FLT3: variants seen among roughly 807,000 people sequenced by gnomAD.
FLT3 encodes the protein fms related receptor tyrosine kinase 3.
In FLT3, 46 loss-of-function variants were observed where a neutral mutation model predicts 126.6. The ratio of observed to expected loss-of-function variants is 0.36; its 90% CI spans 0.29 to 0.46. The LOEUF is 0.46. FLT3 is among the 20% of genes least tolerant of loss of function. The pLI is 1.00. For missense variants in FLT3, 1,069 were observed against 1,190.3 expected (o/e 0.90, Z 1.50); for synonymous variants, 404 against 434.4 (o/e 0.93, Z 0.87).
chr13:28,060,564 A>G, intron 3 of FLT3, among the ~76,000 whole-genome samples: 1 of 149,884 alleles, frequency 6.7e-6, no homozygotes, highest in Non-Finnish European at 1.5e-5. Context: ...ATATACTTAT[A>G]TATGTGTCTG....
intron 9 of FLT3, among the ~76,000 whole-genome samples, chr13:28,044,176 C>T (rs111863688): frequency 0.022 from 3,184 of 141,558 alleles, 97 homozygotes; most frequent in African/African-American, 0.078. Flanking sequence ...GGGCCAGGCG[C>T]GGTGGTTCAT....
At chr13:28,091,207 CTTTTTTTTTTTTTTTT>C (rs572410744) in intron 1 of FLT3, among the ~76,000 whole-genome samples, 1 of 36,580 alleles carries the variant, frequency 2.7e-5, no homozygotes, top group Non-Finnish European at 4.7e-5. Context: ...GCCCCATTTT[CTTTTTTTTTTTTTTTT>C]TTTTTTTTTT....
In FLT3 at chr13:28,100,420, G is replaced by T. The variant is rs1467488357; in HGVS notation, c.43+48C>A. The T allele has an allele frequency of 1.8e-5, 21 of 1,199,650 alleles. No homozygotes were observed. Among genetic ancestry groups the T allele is most frequent in the Non-Finnish European group, 2.0e-5 (19 of 962,952 alleles). The allele number at this position is 1,199,650 out of a possible 1,614,324, so 74.3% of individuals were successfully genotyped here. ...GCGCCCGGGTCCACACTGCGGGGTG[G>T]GGGCTGAGGGACCGCGAGGGGCTGC... On this transcript the variant is annotated intron_variant, in intron 1 of 23. Transcript: ENST00000241453. The surrounding 1 kb of genome is among the most constrained non-coding windows in gnomAD (Gnocchi z 4.8).
At chr13:28,088,742 G>A (rs1390026262) in intron 1 of FLT3, among the ~76,000 whole-genome samples, 2 of 150,780 alleles carry the variant, frequency 1.3e-5, no homozygotes, top group African/African-American at 2.4e-5. Context: ...CCACCACCAC[G>A]CCCAGCTAAT....
chr13:28,079,533 T>C (rs1878183771), intron 1 of FLT3, among the ~76,000 whole-genome samples: 1 of 152,208 alleles, frequency 6.6e-6, no homozygotes, highest in Non-Finnish European at 1.5e-5. Flanking sequence ...TCTGTTTTCA[T>C]GCTGCTGATA....
intron 23 of FLT3, chr13:28,009,157 A>G (rs1039362273): frequency 6.7e-6 from 1 of 149,384 alleles, no homozygotes; most frequent in African/African-American, 2.5e-5. Flanking sequence ...TGTGTTTTCT[A>G]TTTCCATGAA....
chr13:28,023,064 G>C (rs1440189580), intron 19 of FLT3, among the ~76,000 whole-genome samples: 1 of 152,206 alleles, frequency 6.6e-6, no homozygotes, highest in Non-Finnish European at 1.5e-5. Context: ...TTGTTTTGAG[G>C]AAGGATTTCT....
At chr13:28,057,324 T>G (rs2137755599) in intron 4 of FLT3, 23 bp downstream of exon 4, 1 of 991,946 alleles carries the variant, frequency 1.0e-6, no homozygotes, top group East Asian at 2.4e-5. Flanking sequence ...CAGGCTGGAA[T>G]ACTAGTAGCA....
chr13:28,077,103 A>AAG (rs1446759422), intron 1 of FLT3, among the ~76,000 whole-genome samples: 1 of 141,114 alleles, frequency 7.1e-6, no homozygotes, highest in Admixed American at 7.7e-5. Context: ...GAGAAAAAGA[A>AAG]AGAGAGAGAG....
intron 12 of FLT3, among the ~76,000 whole-genome samples, chr13:28,035,151 C>A (rs1322012483): frequency 1.2e-4 from 19 of 152,110 alleles, no homozygotes; most frequent in Admixed American, 1.2e-3. Context: ...TATAAAACAG[C>A]AAGCTGAGGG....
At chr13:28,043,501 G>T (rs572946638) in intron 9 of FLT3, among the ~76,000 whole-genome samples, 1 of 152,200 alleles carries the variant, frequency 6.6e-6, no homozygotes, top group East Asian at 1.9e-4. Flanking sequence ...TATTACAGGG[G>T]CCTTTCAGTA....
At chr13:28,092,375 C>G (rs1441658549) in intron 1 of FLT3, among the ~76,000 whole-genome samples, 1 of 151,924 alleles carries the variant, frequency 6.6e-6, no homozygotes, top group African/African-American at 2.4e-5. Context: ...TATATTTTGA[C>G]TGTTTTTTTT....
In FLT3 at chr13:28,065,645, G is replaced by GTAATAATAATAA. The variant is rs35748326; in HGVS notation, c.166-3588_166-3577dup. On this transcript the variant is annotated intron_variant, in intron 2 of 23. Transcript: ENST00000241453. ...CAACGGAGCGAGATCTTGTCTCAAAGTAATAATAATAATAATAATAATAAT... is the reference window on the plus strand; with the variant it reads ...CAACGGAGCGAGATCTTGTCTCAAAGTAATAATAATAATAATAATAATAATAATAATAATAAT... Among the ~76,000 whole-genome samples the GTAATAATAATAA allele has an allele frequency of 2.5e-3, 269 of 108,300 alleles. 10 individuals carry two copies. Among genetic ancestry groups the GTAATAATAATAA allele is most frequent in the African/African-American group, 9.8e-3 (251 of 25,690 alleles). The allele number at this position is 108,300 out of a possible 152,430, so 71.0% of individuals were successfully genotyped here. A position where few individuals can be genotyped will look rare whatever the true frequency, so the allele number is the denominator to read the frequency against.
At chr13:28,052,425 G>A (rs926270151) in intron 5 of FLT3, 120 bp downstream of exon 5, 12 of 1,078,246 alleles carry the variant, frequency 1.1e-5, no homozygotes, top group Non-Finnish European at 1.6e-5. Flanking sequence ...ACTTTAAGAA[G>A]CCAAAGTTTC....
At chr13:28,059,190 C>T (rs1259769822) in intron 3 of FLT3, among the ~76,000 whole-genome samples, 1 of 152,186 alleles carries the variant, frequency 6.6e-6, no homozygotes, top group Non-Finnish European at 1.5e-5. Flanking sequence ...ATACAAATAA[C>T]TGGTACAAGT....
intron 1 of FLT3, among the ~76,000 whole-genome samples, chr13:28,094,132 A>G (rs369734415): frequency 1.3e-5 from 2 of 152,212 alleles, no homozygotes; most frequent in East Asian, 3.8e-4. Context: ...AAGTGCAGAG[A>G]CATTCTCTGC....
chr13:28,015,044 A>G (rs1026600552), intron 22 of FLT3, 113 bp downstream of exon 22: 14 of 651,024 alleles, frequency 2.2e-5, no homozygotes, highest in Non-Finnish European at 3.5e-5. Context: ...TTTTAAAAAA[A>G]GAATCCTATA....
intron 1 of FLT3, among the ~76,000 whole-genome samples, chr13:28,099,396 T>A (rs920414158): frequency 1.3e-5 from 2 of 152,250 alleles, no homozygotes; most frequent in African/African-American, 4.8e-5. Context: ...TTTCCCCCGA[T>A]TTCCATTTTT....
chr13:28,031,221 C>A (rs1167395835), intron 15 of FLT3, among the ~76,000 whole-genome samples: 1 of 151,896 alleles, frequency 6.6e-6, no homozygotes, highest in Non-Finnish European at 1.5e-5. Context: ...GAGTGAGACT[C>A]CGTCTCAAAA....
Sources: gnomAD v4.1 joint callset for allele counts (sites outside exome capture counted in the v4.1 genomes callset) on GRCh38, gnomAD v4.1.1 for gene constraint, Gnocchi (gnomAD v3.1) non-coding constraint, MANE v1.5 for transcripts, NCBI Gene and HGNC (gene_info 2026-07-23, HGNC 2026-07-21) for gene names.